ARHGEF28: variants seen among roughly 807,000 people sequenced by gnomAD.
The protein encoded by ARHGEF28 is 190 kDa guanine nucleotide exchange factor.
Under a neutral mutation model 206.6 loss-of-function variants are expected in ARHGEF28, and 152 were observed. The observed-to-expected ratio is 0.74, with a 90% CI of 0.64 to 0.84. The LOEUF (loss-of-function observed/expected upper bound fraction) is 0.84. Among genes scored for constraint, ARHGEF28 ranks in the 40% least tolerant of loss-of-function variants. The pLI is 0.00. For synonymous variants in ARHGEF28, 763 were observed against 776.4 expected, an observed-to-expected ratio of 0.98 and a Z score of 0.29; for missense variants, 2,028 against 2,073.2, an observed-to-expected ratio of 0.98 and a Z score of 0.42.
At chr5:73,879,902 C>T (rs2973577) in intron 22 of ARHGEF28, among the ~76,000 whole-genome samples, 51,281 of 151,926 alleles carry the variant, frequency 0.34, 9,036 homozygotes, top group Admixed American at 0.44. Flanking sequence ...AGGAGGCAGT[C>T]TGCCCGTTCT....
intron 9 of ARHGEF28, among the ~76,000 whole-genome samples, chr5:73,821,506 C>T (rs1441303721): frequency 2.0e-5 from 3 of 152,072 alleles, no homozygotes; most frequent in Non-Finnish European, 4.4e-5. Context: ...AGTGTCTTTC[C>T]ATTAGATTAT....
At chr5:73,858,436 T>C (rs1363095788) in intron 16 of ARHGEF28, among the ~76,000 whole-genome samples, 1 of 151,046 alleles carries the variant, frequency 6.6e-6, no homozygotes. Context: ...CTGTCTCCAC[T>C]GGGATGTCTA....
At chr5:73,909,969 T>C in intron 34 of ARHGEF28, 72 bp downstream of exon 34, 1 of 1,430,292 alleles carries the variant, frequency 7.0e-7, no homozygotes, top group South Asian at 1.6e-5. Context: ...CCTAGGACAC[T>C]AACCAAACAT....
intron 3 of ARHGEF28, among the ~76,000 whole-genome samples, chr5:73,750,432 T>C (rs1422162367): frequency 6.6e-6 from 1 of 152,026 alleles, no homozygotes; most frequent in Non-Finnish European, 1.5e-5. Flanking sequence ...GCCTCTCCTC[T>C]GCTTGCTCCG....
intron 1 of ARHGEF28, among the ~76,000 whole-genome samples, chr5:73,647,150 A>G (rs137965858): frequency 1.1e-4 from 16 of 152,306 alleles, no homozygotes; most frequent in African/African-American, 3.8e-4. Flanking sequence ...AAAATTCCAC[A>G]CCTGACCTCA....
chr5:73,895,787 C>T lies in ARHGEF28; in HGVS notation c.3841+1212C>T, dbSNP rs1343209665. On this transcript the variant is annotated intron_variant, in intron 29 of 35. Transcript: ENST00000513042. Reference sequence around the variant, plus strand: ...GAGCAGTTTTGACAGACTGTTTAGTCCACAAAACCTAAACTATTAACTGGC... The same window carrying T: ...GAGCAGTTTTGACAGACTGTTTAGTTCACAAAACCTAAACTATTAACTGGC... Among the ~76,000 whole-genome samples, 4 of 152,164 alleles carry T rather than the reference C, an allele frequency of 2.6e-5. No homozygotes were observed. In the East Asian group the frequency reaches 7.7e-4, roughly 29 times the overall value.
intron 9 of ARHGEF28, among the ~76,000 whole-genome samples, chr5:73,829,450 G>A (rs1561436491): frequency 6.6e-6 from 1 of 152,012 alleles, no homozygotes; most frequent in African/African-American, 2.4e-5. Flanking sequence ...GCGCAATCTC[G>A]GCTCACTGCA....
intron 35 of ARHGEF28, among the ~76,000 whole-genome samples, chr5:73,939,234 C>T (rs1742428242): frequency 6.6e-6 from 1 of 152,116 alleles, no homozygotes. Flanking sequence ...TGGGTTTTAG[C>T]ATTTTGAGAC....
rs972346093 is a variant in ARHGEF28 at position 73,941,056 on chromosome 5, T to C, written c.*43T>C. On this transcript the variant is annotated 3_prime_UTR_variant, in exon 36 of 36. Transcript: ENST00000513042. ...CAAACAAAACAAAACACTGGCACTT[T>C]TGGGAGAAACTTTTTGTCTCCATTC... is the stretch of plus-strand genomic sequence containing the variant. The C allele has an allele frequency of 2.1e-6, 3 of 1,420,292 alleles. No homozygotes were observed. The highest frequency in any genetic ancestry group is 1.6e-5 in the South Asian group (1 of 63,000). 88.0% of individuals were successfully genotyped at this position (1,420,292 alleles called of 1,614,324 possible). A position where few individuals can be genotyped will look rare whatever the true frequency, so the allele number is the denominator to read the frequency against.
intron 1 of ARHGEF28, among the ~76,000 whole-genome samples, chr5:73,644,993 A>C (rs1415363006): frequency 1.3e-5 from 2 of 152,202 alleles, no homozygotes; most frequent in African/African-American, 4.8e-5. Flanking sequence ...GTAAGAAAAT[A>C]AAATTTGTAT....
chr5:73,866,402 T>C (rs868212019), intron 18 of ARHGEF28, among the ~76,000 whole-genome samples: 1 of 152,232 alleles, frequency 6.6e-6, no homozygotes, highest in Non-Finnish European at 1.5e-5. Context: ...AGTATAGCAA[T>C]ATTGCAGTAA....
chr5:73,628,102 T>A (rs1252165283), intron 1 of ARHGEF28, among the ~76,000 whole-genome samples: 4 of 152,072 alleles, frequency 2.6e-5, no homozygotes, highest in Admixed American at 6.5e-5. Context: ...TTTTTTTTTT[T>A]AATTATGTGA....
At chr5:73,786,092 C>T (rs1049407833) in intron 7 of ARHGEF28, among the ~76,000 whole-genome samples, 5 of 149,082 alleles carry the variant, frequency 3.4e-5, no homozygotes, top group African/African-American at 7.4e-5. Context: ...AGAGAAAAAA[C>T]CTTGCCCTCA....
chr5:73,869,950 A>G, intron 20 of ARHGEF28, 119 bp from the exon 21 acceptor site: 2 of 1,195,110 alleles, frequency 1.7e-6, no homozygotes, highest in Admixed American at 4.9e-5. Context: ...GTTTTGGTTT[A>G]GTAGTTTCCA....
At chr5:73,777,151 A>G (rs1753586850) in intron 6 of ARHGEF28, among the ~76,000 whole-genome samples, 1 of 152,154 alleles carries the variant, frequency 6.6e-6, no homozygotes, top group Non-Finnish European at 1.5e-5. Context: ...GTTCTTTTCC[A>G]AAGAGGTTTT....
chr5:73,907,639 A>G (rs1762628909), intron 33 of ARHGEF28, among the ~76,000 whole-genome samples: 1 of 152,250 alleles, frequency 6.6e-6, no homozygotes, highest in Non-Finnish European at 1.5e-5. Flanking sequence ...ATATTCTAGC[A>G]AAGTAAAGTT....
chr5:73,794,290 A>G, intron 7 of ARHGEF28, 112 bp from the exon 8 acceptor site: 6 of 798,876 alleles, frequency 7.5e-6, no homozygotes, highest in South Asian at 1.8e-5. Context: ...CTAAAAACCT[A>G]TCTCTGTGCA....
rs1429416380 is a variant in ARHGEF28, at chr5:73,776,592, T to A, written c.736T>A (p.Ser246Thr). Residue 246 changes from serine (S) to threonine (T), a missense_variant, in exon 6 of 36, where the codon TCG (serine) becomes ACG (threonine). Around this residue, in one of 3 missense-constraint regions of ARHGEF28, gnomAD observed 1,002 missense variants for 1,015.3 expected, o/e 0.99. Transcript: ENST00000513042. ...EEASLHYIHSSETLTLTLNHT... is the reference protein window; with the variant it reads ...EEASLHYIHSTETLTLTLNHT... ...AGCCTCCTTGCATTACATTCACTCA[T>A]CGGAAACGCTGACCCTGACCCTGAA... 2 of 1,613,822 alleles carry A rather than the reference T, an allele frequency of 1.2e-6. No individual in the cohort carries two copies. The highest frequency in any genetic ancestry group is 1.3e-5 in the African/African-American group (1 of 74,916).
At chr5:73,847,111 A>AT (rs1166971779) in intron 12 of ARHGEF28, among the ~76,000 whole-genome samples, 3 of 151,594 alleles carry the variant, frequency 2.0e-5, no homozygotes, top group African/African-American at 4.8e-5. Flanking sequence ...GTTTGAACAG[A>AT]TTTTTTTTCC....
Sources: gnomAD v4.1 joint callset for allele counts (sites outside exome capture counted in the v4.1 genomes callset) on GRCh38, gnomAD v4.1.1 for gene constraint, gnomAD v4.1.1 regional missense constraint, MANE v1.5 for transcripts, NCBI Gene and HGNC (gene_info 2026-07-23, HGNC 2026-07-21) for gene names.